AZIN1: variants seen among roughly 807,000 people sequenced by gnomAD.
The protein encoded by AZIN1 is antizyme inhibitor 1, also known as ornithine decarboxylase antizyme inhibitor.
AZIN1 carries 12 observed loss-of-function variants against 47.4 expected under a neutral mutation model. The observed-to-expected ratio is 0.25, with a 90% confidence interval of 0.16 to 0.41. The LOEUF is 0.41. Ranked by LOEUF, AZIN1 falls within the 10% of genes least tolerant of loss-of-function variation. AZIN1 has a pLI of 1.00. For synonymous variants in AZIN1, 155 were observed against 176.3 expected (o/e 0.88, Z 0.96); for missense variants, 410 against 532.4 (o/e 0.77, Z 2.26).
intron 2 of AZIN1, 120 bp downstream of exon 2, chr8:102,857,891 TAA>T (rs754898628): frequency 1.8e-5 from 7 of 396,074 alleles, no homozygotes; most frequent in Non-Finnish European, 3.1e-5. Context: ...TTCAGAAATT[TAA>T]AAGTCACTGC....
intron 9 of AZIN1, among the ~76,000 whole-genome samples, chr8:102,831,143 G>C (rs1281901861): frequency 6.6e-6 from 1 of 151,950 alleles, no homozygotes; most frequent in African/African-American, 2.4e-5. Context: ...GGAACATCTT[G>C]ATATACCAAA....
intron 2 of AZIN1, among the ~76,000 whole-genome samples, chr8:102,852,508 G>A (rs1199712451): frequency 1.3e-5 from 2 of 152,116 alleles, no homozygotes; most frequent in Non-Finnish European, 2.9e-5. Context: ...TAAGGAGGCA[G>A]AAGTTGCAGT....
chr8:102,843,432 T>A, intron 3 of AZIN1, 119 bp downstream of exon 3: 1 of 813,500 alleles, frequency 1.2e-6, no homozygotes, highest in Non-Finnish European at 1.9e-6. Context: ...GAAGGTCAAG[T>A]TAAATCAGAT....
chr8:102,847,011 A>G (rs1812607129), intron 2 of AZIN1, among the ~76,000 whole-genome samples: 2 of 152,338 alleles, frequency 1.3e-5, no homozygotes, highest in African/African-American at 4.8e-5. Flanking sequence ...CTTCTAAAGG[A>G]AAGATAAAAT....
At chr8:102,844,205 G>A (rs1812406471) in intron 2 of AZIN1, among the ~76,000 whole-genome samples, 1 of 152,166 alleles carries the variant, frequency 6.6e-6, no homozygotes, top group Non-Finnish European at 1.5e-5. Context: ...GCAGATAAAT[G>A]TCTTATAAAT....
At position 102,838,732 on chromosome 8, in the gene AZIN1, T is replaced by TTA. The variant is rs759030712; in HGVS notation, c.449+11_449+12insTA. On this transcript the variant is annotated intron_variant, in intron 5 of 11. Coordinates refer to ENST00000337198, the MANE Select transcript of AZIN1 (RefSeq NM_148174.4). ...CTAAATAATATTTTCAAGTACTTAA[T>TTA]TTTATACTTACTTGGCATTTGGGTG... is the stretch of plus-strand genomic sequence containing the variant. 1 of 1,603,424 alleles carries TTA rather than the reference T, an allele frequency of 6.2e-7. No homozygotes were observed. Among genetic ancestry groups the TTA allele is most frequent in the Admixed American group, 1.7e-5 (1 of 58,922 alleles).
intron 2 of AZIN1, among the ~76,000 whole-genome samples, chr8:102,851,439 G>A (rs1812910768): frequency 6.6e-6 from 1 of 152,232 alleles, no homozygotes; most frequent in Admixed American, 6.5e-5. Flanking sequence ...CGGACATGGT[G>A]GCTCACGCCT....
Position 102,829,286 on chromosome 8 carries a change from C to T in AZIN1, c.1221G>A (p.Met407Ile), listed in dbSNP as rs1335851803. The change falls in exon 11 of 12, where the codon ATG becomes ATA. Residue 407 changes from methionine (M) to isoleucine (I), a missense_variant. Physicochemically the swap from Met to Ile is conservative, Grantham distance 10. Coordinates refer to ENST00000337198, the MANE Select transcript of AZIN1 (RefSeq NM_148174.4). ...DFQRPAIYYM[M>I]SFSDWYEMQD... ...AATCACCTTACCAATCACTGAATGA[C>T]ATCATGTAATAAATGGCTGGCCTCT... 4 of 1,613,038 alleles carry T rather than the reference C, an allele frequency of 2.5e-6. No individual in the cohort carries two copies. In the Admixed American group the frequency reaches 5.0e-5, roughly 20 times the overall value.
rs781766867 is a variant in AZIN1, at chr8:102,839,831, G to A, written c.103-8C>T. 15 of 1,538,822 alleles carry A rather than the reference G, an allele frequency of 9.7e-6. No homozygotes were observed. Among genetic ancestry groups the A allele is most frequent in the Middle Eastern group, 1.7e-4 (1 of 5,752 alleles). ...AAATGCATTTTTCCCTGTCTATTAT[G>A]GTTATAAAAAAAAAGACAAATATGA... On this transcript the variant is annotated splice_polypyrimidine_tract_variant and splice_region_variant and intron_variant, in intron 3 of 11. Coordinates refer to ENST00000337198, the MANE Select transcript of AZIN1 (RefSeq NM_148174.4).
intron 2 of AZIN1, chr8:102,854,624 A>ATTTTTT (rs1400631878): frequency 7.9e-6 from 1 of 126,180 alleles, no homozygotes; most frequent in Non-Finnish European, 1.6e-5. Flanking sequence ...ATATATATAT[A>ATTTTTT]TATTTTTTTT....
chr8:102,827,122 T>C lies in AZIN1; in HGVS notation c.*1445A>G, dbSNP rs918991624. Reference sequence around the variant, plus strand: ...TTCTCCTATGTAGCACAGGTAGAATTTTCTGTCCATTGGCACCAAAGTGAA... The same window carrying C: ...TTCTCCTATGTAGCACAGGTAGAATCTTCTGTCCATTGGCACCAAAGTGAA... On this transcript the variant is annotated 3_prime_UTR_variant, in exon 12 of 12. Transcript: ENST00000337198. The C allele has an allele frequency of 2.0e-5, 3 of 152,612 alleles. No homozygotes were observed. The highest frequency in any genetic ancestry group is 1.9e-4 in the East Asian group (1 of 5,204). 9.5% of individuals were successfully genotyped at this position (152,612 alleles called of 1,614,324 possible).
chr8:102,828,670 A>T lies in AZIN1; in HGVS notation c.1244T>A (p.Met415Lys). ...GTCTGAAGTAATTCCAGCATCTTGCATCTCATACCTACGTAGAAAAAAAAT... is the reference window on the plus strand; with the variant it reads ...GTCTGAAGTAATTCCAGCATCTTGCTTCTCATACCTACGTAGAAAAAAAAT... ...YMMSFSDWYEMQDAGITSDSM... is the reference protein window; with the variant it reads ...YMMSFSDWYEKQDAGITSDSM... The change falls in exon 12 of 12, where the codon ATG becomes AAG. Residue 415 changes from methionine to lysine, a missense_variant. Met to Lys is a moderately conservative substitution (Grantham distance 95, BLOSUM62 -1). Transcript: ENST00000337198. 1 of 1,602,118 alleles carries T rather than the reference A, an allele frequency of 6.2e-7. No homozygotes were observed. The highest frequency in any genetic ancestry group is 8.5e-7 in the Non-Finnish European group (1 of 1,171,048).
At chr8:102,834,980 A>G in intron 6 of AZIN1, 1 of 467,662 alleles carries the variant, frequency 2.1e-6, no homozygotes, top group South Asian at 2.9e-5. Flanking sequence ...AAAATTCTTA[A>G]CAATAAGTCA....
At position 102,829,842 on chromosome 8, in the gene AZIN1, A is replaced by C; in HGVS notation, c.999T>G (p.Asn333Lys). The C allele has an allele frequency of 6.2e-7, 1 of 1,612,188 alleles. No individual in the cohort carries two copies. Among genetic ancestry groups the C allele is most frequent in the South Asian group, 1.1e-5 (1 of 90,684 alleles). ...SFASKLSEDL[N>K]TIPEVHKKYK... ...TTGCCTTGTGAACCTCTGGAATGGTATTTAAGTCCTCAGACAGTTTACTTG... is the reference window on the plus strand; with the variant it reads ...TTGCCTTGTGAACCTCTGGAATGGTCTTTAAGTCCTCAGACAGTTTACTTG... The change falls in exon 10 of 12, where the codon AAT becomes AAG. Residue 333 changes from asparagine (N) to lysine (K), a missense_variant. By Grantham distance (94) the Asn-to-Lys change is moderately conservative. Transcript: ENST00000337198.
At chr8:102,843,803 G>C (rs80249745) in intron 2 of AZIN1, 56 bp from the exon 3 acceptor site, 2 of 1,247,226 alleles carry the variant, frequency 1.6e-6, no homozygotes, top group Non-Finnish European at 2.1e-6. Context: ...CATAATGTAC[G>C]AGTCAATGAA....
chr8:102,833,187 A>C lies in AZIN1; in HGVS notation c.773T>G (p.Ile258Ser). 6.2e-7 allele frequency: 1 copy of C among 1,613,802 alleles called. No individual in the cohort carries two copies. Among genetic ancestry groups the C allele is most frequent in the Non-Finnish European group, 8.5e-7 (1 of 1,179,802 alleles). The change falls in exon 9 of 12, where the codon ATC becomes AGC. Residue 258 changes from isoleucine (I) to serine (S), a missense_variant. Ile to Ser is a moderately radical substitution (Grantham distance 142). This residue lies in a region of AZIN1 where 237 missense variants were observed against 309.4 expected (regional missense o/e 0.77). Coordinates refer to ENST00000337198, the MANE Select transcript of AZIN1 (RefSeq NM_148174.4). The stretch of plus-strand genomic sequence containing the variant: ...AACACCAGATCCTTCAGGAAAGTAG[A>C]TATCCAACAGAGGGCTGATAACATG... The part of the protein sequence containing the change: ...VNHVISPLLD[I>S]YFPEGSGVKI...
At chr8:102,845,731 A>AGCG (rs1335461980) in intron 2 of AZIN1, among the ~76,000 whole-genome samples, 9 of 152,214 alleles carry the variant, frequency 5.9e-5, no homozygotes, top group Admixed American at 5.9e-4. Context: ...TTTTTGGCAT[A>AGCG]GCAGCCAGTT....
intron 1 of AZIN1, among the ~76,000 whole-genome samples, chr8:102,859,635 G>T (rs534064018): frequency 4.7e-4 from 71 of 152,314 alleles, no homozygotes; most frequent in Non-Finnish European, 8.5e-4. Context: ...AGGAGTTCAA[G>T]ATCAGTCTGG....
intron 2 of AZIN1, among the ~76,000 whole-genome samples, chr8:102,851,997 G>A (rs1170625295): frequency 1.3e-5 from 2 of 152,096 alleles, no homozygotes; most frequent in African/African-American, 2.4e-5. Context: ...TCAGTTTCTT[G>A]TTTTTGCCTT....
Sources: gnomAD v4.1 joint callset for allele counts (sites outside exome capture counted in the v4.1 genomes callset) on GRCh38, gnomAD v4.1.1 for gene constraint, gnomAD v4.1.1 regional missense constraint, MANE v1.5 for transcripts, NCBI Gene and HGNC (gene_info 2026-07-23, HGNC 2026-07-21) for gene names.